Variants in DSP observed in about 807,000 individuals in gnomAD.
The protein encoded by DSP is 250/210 kDa paraneoplastic pemphigus antigen.
In DSP, 114 loss-of-function variants were observed where a neutral mutation model predicts 290.6. The ratio of observed to expected loss-of-function variants is 0.39; its 90% CI spans 0.34 to 0.46. DSP has a LOEUF of 0.46. DSP is among the 20% of genes least tolerant of loss of function. DSP has a pLI of 0.99. For synonymous variants in DSP, 1,311 were observed against 1,316.4 expected (o/e 1.00, Z 0.09); for missense variants, 3,230 against 3,495.8 (o/e 0.92, Z 1.92).
intron 1 of DSP, among the ~76,000 whole-genome samples, chr6:7,543,483 C>A (rs1255299841): frequency 7.4e-6 from 1 of 135,358 alleles, no homozygotes; most frequent in African/African-American, 2.8e-5. Context: ...CTGGGGATTT[C>A]CAGGGAAAAT....
chr6:7,580,689 T>C lies in DSP; in HGVS notation c.4499T>C (p.Leu1500Pro), dbSNP rs1759403724. The change falls in exon 23 of 24, where the codon CTG becomes CCG. Residue 1500 changes from leucine (L) to proline (P), a missense_variant. Transcript: ENST00000379802. The surrounding 1 kb of genome is among the most constrained non-coding windows in gnomAD (Gnocchi z 4.2). Reference protein sequence around the residue: ...IDKETNDRKCLEDENARLQRV... With the variant: ...IDKETNDRKCPEDENARLQRV... ...AAAGAAACAAATGACCGGAAATGCCTGGAAGATGAAAACGCGAGATTACAA... is the reference window on the plus strand; with the variant it reads ...AAAGAAACAAATGACCGGAAATGCCCGGAAGATGAAAACGCGAGATTACAA... The C allele has an allele frequency of 3.1e-6, 5 of 1,613,858 alleles. No individual in the cohort carries two copies. Among genetic ancestry groups the C allele is most frequent in the Non-Finnish European group, 3.4e-6 (4 of 1,180,036 alleles).
In DSP at chr6:7,581,365, G is replaced by C; in HGVS notation, c.5175G>C (p.Arg1725=). ...KEHLMLEEEL[R]NLRLEYDDLR... is the part of the protein sequence containing the mutation. Reference sequence around the variant, plus strand: ...ACTTGATGTTAGAAGAAGAACTGCGGAACCTGAGGCTGGAGTACGATGACC... The same window carrying C: ...ACTTGATGTTAGAAGAAGAACTGCGCAACCTGAGGCTGGAGTACGATGACC... The change falls in exon 23 of 24, where the codon CGG becomes CGC. Residue 1725 remains arginine, a synonymous_variant. Transcript: ENST00000379802. 1 of 1,614,202 alleles carries C rather than the reference G, an allele frequency of 6.2e-7. No individual in the cohort carries two copies. The highest frequency in any genetic ancestry group is 8.5e-7 in the Non-Finnish European group (1 of 1,180,028).
Position 7,574,156 on chromosome 6 carries a change from G to C in DSP, c.2201G>C (p.Arg734Thr). The change falls in exon 16 of 24, where the codon AGA becomes ACA. Residue 734 changes from arginine (R) to threonine (T), a missense_variant. Coordinates refer to ENST00000379802, the MANE Select transcript of DSP (RefSeq NM_004415.4). ...CTTAAAGATATGCTTGCCAACTTCA[G>C]AGGTTCTGAAAAGTACTGCTATTTA... ...NQLKDMLANFRGSEKYCYLQN... is the reference protein window; with the variant it reads ...NQLKDMLANFTGSEKYCYLQN... 6.2e-7 allele frequency: 1 copy of C among 1,614,142 alleles called. No homozygotes were observed. The highest frequency in any genetic ancestry group is 1.3e-5 in the African/African-American group (1 of 75,048).
At chr6:7,562,397 T>C (rs1758723451) in intron 4 of DSP, among the ~76,000 whole-genome samples, 1 of 149,636 alleles carries the variant, frequency 6.7e-6, no homozygotes, top group African/African-American at 2.5e-5. Context: ...TCAGAAGACA[T>C]GATCTTGGTT....
intron 4 of DSP, among the ~76,000 whole-genome samples, chr6:7,562,377 T>G (rs369972182): frequency 6.6e-6 from 1 of 152,026 alleles, no homozygotes; most frequent in Non-Finnish European, 1.5e-5. Flanking sequence ...GATTTGGTTT[T>G]TTTTTTTTTT....
Position 7,571,507 on chromosome 6 carries a change from A to G in DSP, c.1826A>G (p.Gln609Arg). Reference sequence around the variant, plus strand: ...GGAGATGATGACAAGCGGAAAATACAGTCTCAGTTCACCGATGCCCAGAAG... The same window carrying G: ...GGAGATGATGACAAGCGGAAAATACGGTCTCAGTTCACCGATGCCCAGAAG... ...MFGDDDKRKIQSQFTDAQKHY... is the reference protein window; with the variant it reads ...MFGDDDKRKIRSQFTDAQKHY... The change falls in exon 14 of 24, where the codon CAG becomes CGG. Residue 609 changes from glutamine (Q) to arginine (R), a missense_variant. By Grantham distance (43) the Gln-to-Arg change is conservative. Around this residue, in one of 5 missense-constraint regions of DSP, gnomAD observed 81 missense variants for 130.5 expected, o/e 0.62. Coordinates refer to ENST00000379802, the MANE Select transcript of DSP (RefSeq NM_004415.4). The G allele has an allele frequency of 6.2e-7, 1 of 1,614,252 alleles. No individual in the cohort carries two copies. Among genetic ancestry groups the G allele is most frequent in the South Asian group, 1.1e-5 (1 of 91,084 alleles).
rs1399977950 is a variant in DSP, at chr6:7,580,590, A to G, written c.4400A>G (p.Gln1467Arg). The change falls in exon 23 of 24, where the codon CAA becomes CGA. Residue 1467 changes from glutamine to arginine, a missense_variant. Physicochemically the swap from Gln to Arg is conservative, Grantham distance 43. Around this residue, in one of 5 missense-constraint regions of DSP, gnomAD observed 1,714 missense variants for 1,844.5 expected, o/e 0.93. Coordinates refer to ENST00000379802, the MANE Select transcript of DSP (RefSeq NM_004415.4). This position sits in a 1 kb window ranked among gnomAD's most constrained non-coding sequence, Gnocchi z 4.2. ...ACAGAGGAGAGCGTAAGATATAAGC[A>G]ATCTCTTGATGATGCTGCCAAAACC... is the stretch of plus-strand genomic sequence containing the variant. ...MRTEESVRYK[Q>R]SLDDAAKTIQ... 6.2e-7 allele frequency: 1 copy of G among 1,614,156 alleles called. No individual in the cohort carries two copies. The highest frequency in any genetic ancestry group is 1.7e-5 in the Admixed American group (1 of 60,010).
rs760215987 is a variant in DSP, at chr6:7,585,663, C to G, written c.8401C>G (p.Arg2801Gly). The change falls in exon 24 of 24, where the codon CGC becomes GGC. Residue 2801 changes from arginine (R) to glycine (G), a missense_variant. Coordinates refer to ENST00000379802, the MANE Select transcript of DSP (RefSeq NM_004415.4). Reference sequence around the variant, plus strand: ...CATGGTAGAAGATATCACTGGGCTGCGCCTTCTGGAAGCCGCCTCCGTGTC... The same window carrying G: ...CATGGTAGAAGATATCACTGGGCTGGGCCTTCTGGAAGCCGCCTCCGTGTC... ...RSMVEDITGL[R>G]LLEAASVSSK... 19 of 1,614,118 alleles carry G rather than the reference C, an allele frequency of 1.2e-5. No homozygotes were observed. The highest frequency in any genetic ancestry group is 1.6e-5 in the Non-Finnish European group (19 of 1,180,052).
chr6:7,581,018 A>G lies in DSP; in HGVS notation c.4828A>G (p.Ile1610Val). 5 of 1,614,084 alleles carry G rather than the reference A, an allele frequency of 3.1e-6. No individual in the cohort carries two copies. Among genetic ancestry groups the G allele is most frequent in the Non-Finnish European group, 3.4e-6 (4 of 1,180,016 alleles). Residue 1610 changes from isoleucine to valine, a missense_variant, in exon 23 of 24, where the codon ATC becomes GTC. Transcript: ENST00000379802. ...GAGGAGGTCGCTGAAGGAGCAAGCC[A>G]TCAAAATCACCAACCTGACCCAGCA... Reference protein sequence around the residue: ...GMRRSLKEQAIKITNLTQQLE... With the variant: ...GMRRSLKEQAVKITNLTQQLE...
chr6:7,576,162 C>G (rs1422293523), intron 18 of DSP, 132 bp from the exon 19 acceptor site: 1 of 1,023,400 alleles, frequency 9.8e-7, no homozygotes, highest in East Asian at 2.6e-5. Context: ...TATGAACATT[C>G]ATGTATAAGT....
rs766215175 is a variant in DSP, at chr6:7,580,219, A to G, written c.4029A>G (p.Glu1343=). Residue 1343 remains glutamate (E), a synonymous_variant, in exon 23 of 24, where the codon GAA becomes GAG. Transcript: ENST00000379802. The surrounding 1 kb of genome is among the most constrained non-coding windows in gnomAD (Gnocchi z 4.2). ...AGGAGGAGGCCAAGCGCCGCTGGGA[A>G]TATGAAAATGAACTGAGTAAGGTAA... is the stretch of plus-strand genomic sequence containing the variant. The part of the protein sequence containing the change: ...EFQEEAKRRW[E]YENELSKVRN... 1 of 1,614,114 alleles carries G rather than the reference A, an allele frequency of 6.2e-7. No individual in the cohort carries two copies. The highest frequency in any genetic ancestry group is 1.1e-5 in the South Asian group (1 of 91,074).
intron 1 of DSP, among the ~76,000 whole-genome samples, chr6:7,549,880 A>G (rs1329753344): frequency 6.6e-6 from 1 of 152,226 alleles, no homozygotes; most frequent in Non-Finnish European, 1.5e-5. Flanking sequence ...TGAGCAACAT[A>G]GTTATTATAA....
chr6:7,546,368 T>G (rs1758170769), intron 1 of DSP, among the ~76,000 whole-genome samples: 1 of 152,256 alleles, frequency 6.6e-6, no homozygotes, highest in Non-Finnish European at 1.5e-5. Flanking sequence ...AACATTTACA[T>G]GGTTATTAAA....
At chr6:7,550,251 C>T (rs1210252680) in intron 1 of DSP, among the ~76,000 whole-genome samples, 2 of 148,578 alleles carry the variant, frequency 1.3e-5, no homozygotes, top group Admixed American at 6.7e-5. Flanking sequence ...GATGGGGTTT[C>T]GCCATGTTGC....
Position 7,572,372 on chromosome 6 carries a change from T to C in DSP, c.2130+304T>C, listed in dbSNP as rs145929842. Among the ~76,000 whole-genome samples the C allele has an allele frequency of 3.9e-5, 6 of 152,272 alleles. No homozygotes were observed. In the East Asian group the frequency reaches 1.2e-3, roughly 29 times the overall value. On this transcript the variant is annotated intron_variant, in intron 15 of 23. Transcript: ENST00000379802. ...GATATGGGTTAGACAGGGGGAATGA[T>C]CTTTATTTGTAGACATGACACTGAC...
chr6:7,564,901 T>G (rs983927049), intron 6 of DSP, among the ~76,000 whole-genome samples: 1 of 152,128 alleles, frequency 6.6e-6, no homozygotes, highest in African/African-American at 2.4e-5. Context: ...TTCCAGCACT[T>G]TGGGGGGCCG....
rs1759620884 is a variant in DSP at position 7,585,398 on chromosome 6, A to T, written c.8136A>T (p.Ala2712=). 6.2e-7 allele frequency: 1 copy of T among 1,614,046 alleles called. No individual in the cohort carries two copies. Among genetic ancestry groups the T allele is most frequent in the African/African-American group, 1.3e-5 (1 of 74,920 alleles). The change falls in exon 24 of 24, where the codon GCA becomes GCT. Residue 2712 remains alanine, a synonymous_variant. Coordinates refer to ENST00000379802, the MANE Select transcript of DSP (RefSeq NM_004415.4). ...AGAAGAAGATGTCAGCAGCAGAGGC[A>T]GTGAAAGAAAAATGGCTCCCGTATG... ...KGKKKMSAAE[A]VKEKWLPYEA...
At chr6:7,560,165 G>A (rs1758634707) in intron 4 of DSP, among the ~76,000 whole-genome samples, 1 of 152,238 alleles carries the variant, frequency 6.6e-6, no homozygotes, top group East Asian at 1.9e-4. Context: ...CCTTGAGAAT[G>A]TGGATGTGTT....
In DSP at chr6:7,583,066, A is replaced by G. The variant is rs777048976; in HGVS notation, c.5804A>G (p.Tyr1935Cys). The change falls in exon 24 of 24, where the codon TAT becomes TGT. Residue 1935 changes from tyrosine to cysteine, a missense_variant. Physicochemically the swap from Tyr to Cys is radical, Grantham distance 194 (BLOSUM62 -2). Transcript: ENST00000379802. The surrounding 1 kb of genome is among the most constrained non-coding windows in gnomAD (Gnocchi z 4.0). ...CAGTTAGAAACAGAACGCTCCCGAT[A>G]TCAGAGGGAGATTGATAAACTCAGA... ...QSQLETERSR[Y>C]QREIDKLRQR... 42 of 1,613,972 alleles carry G rather than the reference A, an allele frequency of 2.6e-5. No individual in the cohort carries two copies. The highest frequency in any genetic ancestry group is 3.4e-5 in the Non-Finnish European group (40 of 1,180,030).
Sources: gnomAD v4.1 joint callset for allele counts (sites outside exome capture counted in the v4.1 genomes callset) on GRCh38, gnomAD v4.1.1 for gene constraint, gnomAD v4.1.1 regional missense constraint, Gnocchi (gnomAD v3.1) non-coding constraint, MANE v1.5 for transcripts, NCBI Gene and HGNC (gene_info 2026-07-23, HGNC 2026-07-21) for gene names.